The following UNC13C variants were observed in gnomAD, a reference collection of about 807,000 sequenced individuals.
UNC13C encodes unc-13 homolog C, also known as protein unc-13 homolog C.
A neutral mutation model predicts 245.4 loss-of-function variants in UNC13C; 174 were observed. The ratio of observed to expected loss-of-function variants is 0.71; its 90% confidence interval spans 0.63 to 0.80. The LOEUF (loss-of-function observed/expected upper bound fraction) is 0.80. Ranked by LOEUF, UNC13C falls within the 30% of genes least tolerant of loss-of-function variation. The probability of loss-of-function intolerance (pLI) is 0.00; values close to 1 mark genes in which losing one functional copy is unlikely to be tolerated. For missense variants in UNC13C, 2,829 were observed against 2,602.9 expected, an observed-to-expected ratio of 1.09 and a Z score of -1.89; for synonymous variants, 992 against 895.1, an observed-to-expected ratio of 1.11 and a Z score of -1.93.
At chr15:54,270,407 G>T (rs117429898) in intron 10 of UNC13C, among the ~76,000 whole-genome samples, 3 of 152,080 alleles carry the variant, frequency 2.0e-5, no homozygotes, top group Non-Finnish European at 4.4e-5. Flanking sequence ...GCTTTAGCTT[G>T]TCTAATATGA....
intron 30 of UNC13C, among the ~76,000 whole-genome samples, chr15:54,588,952 C>G (rs756239098): frequency 6.6e-6 from 1 of 152,144 alleles, no homozygotes; most frequent in Non-Finnish European, 1.5e-5. Flanking sequence ...CATGCATGTG[C>G]AAGTATCTTT....
chr15:53,986,321 T>C (rs1894140074), intron 1 of UNC13C, among the ~76,000 whole-genome samples: 3 of 152,024 alleles, frequency 2.0e-5, no homozygotes, highest in South Asian at 2.1e-4. Flanking sequence ...GAGATAAAAT[T>C]TGAGCCTAGC....
At chr15:54,364,762 T>C (rs984608840) in intron 17 of UNC13C, among the ~76,000 whole-genome samples, 3 of 152,178 alleles carry the variant, frequency 2.0e-5, no homozygotes, top group African/African-American at 7.2e-5. Flanking sequence ...CCTTATTCAA[T>C]GTAATTTGTG....
At chr15:54,446,960 A>G (rs1201042537) in intron 19 of UNC13C, among the ~76,000 whole-genome samples, 26 of 152,108 alleles carry the variant, frequency 1.7e-4, no homozygotes, top group Admixed American at 1.7e-3. Context: ...TTTGAGATAC[A>G]TCCCATCAAT....
chr15:53,862,472 G>A, the UNC13C span, among the ~76,000 whole-genome samples: 1 of 152,072 alleles, frequency 6.6e-6, no homozygotes, highest in Non-Finnish European at 1.5e-5. Flanking sequence ...GTCTTGGAAA[G>A]TTTCTTAAGT....
intron 32 of UNC13C, among the ~76,000 whole-genome samples, chr15:54,626,427 AGG>A (rs1901151782): frequency 9.5e-5 from 3 of 31,744 alleles, no homozygotes; most frequent in South Asian, 1.3e-3. Flanking sequence ...GTAAAGTGCG[AGG>A]AGTAGTAACT....
chr15:54,239,522 C>G (rs1219338513), intron 7 of UNC13C, among the ~76,000 whole-genome samples: 1 of 152,232 alleles, frequency 6.6e-6, no homozygotes, highest in Non-Finnish European at 1.5e-5. Context: ...AGGGTCATAG[C>G]TCACTGCAGC....
At chr15:54,629,573 C>A (rs1020498155), downstream of UNC13C, 1 of 148,474 alleles carries the variant, frequency 6.7e-6, no homozygotes, top group African/African-American at 2.5e-5. Flanking sequence ...ACCGTTTAGT[C>A]CCATGAACAA....
chr15:54,013,897 G>C lies in UNC13C; in HGVS notation c.994G>C (p.Glu332Gln). 1.2e-6 allele frequency: 2 copies of C among 1,613,318 alleles called. No homozygotes were observed. The highest frequency in any genetic ancestry group is 1.7e-6 in the Non-Finnish European group (2 of 1,179,678). ...RFLNVTEERF[E>Q]YVESVVYQIL... Reference sequence around the variant, plus strand: ...TTTAAATGTGACTGAAGAAAGATTTGAATATGTTGAAAGCGTGGTGTACCA... The same window carrying C: ...TTTAAATGTGACTGAAGAAAGATTTCAATATGTTGAAAGCGTGGTGTACCA... Residue 332 changes from glutamate (E) to glutamine (Q), a missense_variant, in exon 2 of 33, where the codon GAA becomes CAA. By Grantham distance (29) the Glu-to-Gln change is conservative. Coordinates refer to ENST00000260323, the MANE Select transcript of UNC13C (RefSeq NM_001080534.3).
At chr15:54,601,976 C>T (rs936294481) in intron 30 of UNC13C, among the ~76,000 whole-genome samples, 1 of 152,160 alleles carries the variant, frequency 6.6e-6, no homozygotes, top group Admixed American at 6.6e-5. Context: ...CTTGCACTCC[C>T]CTCTTACTTC....
At chr15:54,021,003 T>C (rs1312842770) in intron 2 of UNC13C, among the ~76,000 whole-genome samples, 2 of 152,232 alleles carry the variant, frequency 1.3e-5, no homozygotes, top group Non-Finnish European at 2.9e-5. Flanking sequence ...ACTAGAATTA[T>C]CTATAAAGTG....
chr15:54,297,969 T>C lies in UNC13C; in HGVS notation c.4104+43T>C, dbSNP rs545705685. On this transcript the variant is annotated intron_variant, in intron 12 of 32. Coordinates refer to ENST00000260323, the MANE Select transcript of UNC13C (RefSeq NM_001080534.3). ...TACTAATACAAAATATAAGAAATGT[T>C]CTTGATTATGGATTATAAAACAGAA... 1.8e-5 allele frequency: 23 copies of C among 1,252,100 alleles called. No homozygotes were observed. The East Asian group carries it at 5.8e-4, about 32-fold the overall frequency. The allele number at this position is 1,252,100 out of a possible 1,614,324, so 77.6% of individuals were successfully genotyped here. A position where few individuals can be genotyped will look rare whatever the true frequency, so the allele number is the denominator to read the frequency against.
At chr15:54,041,321 C>T (rs1896798227) in intron 2 of UNC13C, among the ~76,000 whole-genome samples, 1 of 152,150 alleles carries the variant, frequency 6.6e-6, no homozygotes, top group South Asian at 2.1e-4. Flanking sequence ...TCTCATAACA[C>T]TTGGCATATT....
the UNC13C span, among the ~76,000 whole-genome samples, chr15:53,917,651 C>T: frequency 6.6e-6 from 1 of 152,104 alleles, no homozygotes; most frequent in Non-Finnish European, 1.5e-5. Flanking sequence ...TTTTCTATCT[C>T]CTCCTCTCTT....
intron 19 of UNC13C, among the ~76,000 whole-genome samples, chr15:54,453,234 G>T (rs894029616): frequency 6.6e-6 from 1 of 152,162 alleles, no homozygotes; most frequent in South Asian, 2.1e-4. Flanking sequence ...GACTGCTAGG[G>T]ATCACTCACT....
chr15:54,312,239 T>G (rs2037893124), intron 13 of UNC13C, among the ~76,000 whole-genome samples: 1 of 151,692 alleles, frequency 6.6e-6, no homozygotes, highest in South Asian at 2.1e-4. Flanking sequence ...TGTGTGTGTG[T>G]TGAAATAGTG....
At chr15:54,386,137 G>A (rs1472180994) in intron 17 of UNC13C, among the ~76,000 whole-genome samples, 1 of 152,106 alleles carries the variant, frequency 6.6e-6, no homozygotes, top group Non-Finnish European at 1.5e-5. Flanking sequence ...ACCAGGTCTT[G>A]GCATTGAGGC....
At position 54,536,346 on chromosome 15, in the gene UNC13C, C is replaced by T. The variant is rs373882724; in HGVS notation, c.5696+3280C>T. ...AAATGGAATCAGTAATAATAAAAGCCTACCAACCAGAAAAGGCCCTGGAGC... is the reference window on the plus strand; with the variant it reads ...AAATGGAATCAGTAATAATAAAAGCTTACCAACCAGAAAAGGCCCTGGAGC... On this transcript the variant is annotated intron_variant, in intron 26 of 32. Coordinates refer to ENST00000260323, the MANE Select transcript of UNC13C (RefSeq NM_001080534.3). Among the ~76,000 whole-genome samples, 35 of 151,886 alleles carry T rather than the reference C, an allele frequency of 2.3e-4. No homozygotes were observed. The East Asian group carries it at 2.7e-3, about 12-fold the overall frequency.
intron 19 of UNC13C, among the ~76,000 whole-genome samples, chr15:54,445,574 G>T (rs186606978): frequency 1.5e-4 from 23 of 152,258 alleles, no homozygotes; most frequent in African/African-American, 3.4e-4. Flanking sequence ...TCATGTGTCT[G>T]TTGGCTGCAT....
Sources: gnomAD v4.1 joint callset for allele counts (sites outside exome capture counted in the v4.1 genomes callset) on GRCh38, gnomAD v4.1.1 for gene constraint, MANE v1.5 for transcripts, NCBI Gene and HGNC (gene_info 2026-07-23, HGNC 2026-07-21) for gene names.